The following AGBL1 variants were observed in gnomAD, a reference collection of about 807,000 sequenced individuals.
AGBL1 encodes the protein AGBL carboxypeptidase 1, also known as cytosolic carboxypeptidase 4.
Under a neutral mutation model 118.9 loss-of-function variants are expected in AGBL1, and 130 were observed. That is an observed-to-expected ratio of 1.09 (90% CI 0.95 to 1.26). The LOEUF is 1.26. Among genes scored for constraint, AGBL1 ranks in the 50% most tolerant of loss-of-function variants. The pLI is 0.00. For missense variants in AGBL1, 1,584 were observed against 1,298.1 expected (o/e 1.22, Z -3.38); for synonymous variants, 555 against 478.9 (o/e 1.16, Z -2.08).
chr15:86,882,076 C>T (rs1189953681), intron 22 of AGBL1, among the ~76,000 whole-genome samples: 1 of 152,178 alleles, frequency 6.6e-6, no homozygotes, highest in African/African-American at 2.4e-5. Context: ...AAATGGGAAA[C>T]TATGAAATTG....
intron 14 of AGBL1, 25 bp downstream of exon 14, chr15:86,270,092 C>A (rs1406536293): frequency 6.3e-7 from 1 of 1,596,058 alleles, no homozygotes; most frequent in East Asian, 2.3e-5. Context: ...GGAGCAGGGG[C>A]TTTCTGGAAC....
chr15:86,564,418 G>A (rs1321548687), intron 21 of AGBL1, among the ~76,000 whole-genome samples: 1 of 152,150 alleles, frequency 6.6e-6, no homozygotes, highest in African/African-American at 2.4e-5. Context: ...ATGAAATTCT[G>A]GGTTGAAAAT....
intron 17 of AGBL1, among the ~76,000 whole-genome samples, chr15:86,323,121 T>G (rs1484438804): frequency 6.6e-6 from 1 of 151,990 alleles, no homozygotes; most frequent in African/African-American, 2.4e-5. Flanking sequence ...TTACTTTACT[T>G]TGGAGCATAG....
intron 22 of AGBL1, among the ~76,000 whole-genome samples, chr15:86,882,752 CGACAA>C (rs2079913868): frequency 2.0e-5 from 3 of 152,098 alleles, no homozygotes; most frequent in Non-Finnish European, 2.9e-5. Context: ...TGTAACTAAA[CGACAA>C]CTCACTGGAG....
intron 12 of AGBL1, 147 bp downstream of exon 12, chr15:86,266,604 T>G: frequency 1.4e-6 from 1 of 697,294 alleles, no homozygotes; most frequent in African/African-American, 1.8e-5. Context: ...AGAGAAAGCT[T>G]AGCTTTAAGA....
chr15:86,751,008 T>G (rs2077843123), intron 22 of AGBL1, among the ~76,000 whole-genome samples: 1 of 152,166 alleles, frequency 6.6e-6, no homozygotes. Context: ...CCATGGTGTA[T>G]GTGTACCACA....
chr15:86,749,831 G>T (rs2077818809), intron 22 of AGBL1, among the ~76,000 whole-genome samples: 1 of 152,098 alleles, frequency 6.6e-6, no homozygotes, highest in Non-Finnish European at 1.5e-5. Context: ...TGCGTATGTT[G>T]AACCAGCCTT....
chr15:86,316,352 CCT>C (rs750238717), intron 17 of AGBL1, among the ~76,000 whole-genome samples: 53 of 152,128 alleles, frequency 3.5e-4, no homozygotes, highest in Admixed American at 1.3e-4. Flanking sequence ...TTGTATTCCT[CCT>C]CTTTCTCTCC....
intron 6 of AGBL1, among the ~76,000 whole-genome samples, chr15:86,230,089 G>A (rs1415685372): frequency 2.6e-5 from 4 of 152,180 alleles, no homozygotes; most frequent in Admixed American, 2.6e-4. Flanking sequence ...AGGAAGTTGA[G>A]ACTTCTCACA....
chr15:86,840,655 G>A (rs2079232365), intron 22 of AGBL1, among the ~76,000 whole-genome samples: 1 of 152,010 alleles, frequency 6.6e-6, no homozygotes, highest in Non-Finnish European at 1.5e-5. Context: ...ATGTTAGCCA[G>A]GCTCAAACTC....
chr15:86,808,889 T>A (rs946348803), intron 22 of AGBL1, among the ~76,000 whole-genome samples: 2 of 152,082 alleles, frequency 1.3e-5, no homozygotes, highest in Non-Finnish European at 2.9e-5. Context: ...ATGGATTTTC[T>A]CTTTTTTTCT....
intron 23 of AGBL1, chr15:86,987,898 AAT>A (rs2081300012): frequency 6.7e-7 from 1 of 1,494,472 alleles, no homozygotes; most frequent in African/African-American, 1.4e-5. Flanking sequence ...CCCACTCAAT[AAT>A]ATGTTTTTAA....
chr15:86,941,004 G>A (rs1469756476), intron 23 of AGBL1, among the ~76,000 whole-genome samples: 1 of 152,098 alleles, frequency 6.6e-6, no homozygotes, highest in Admixed American at 6.5e-5. Flanking sequence ...CTCAAATAAA[G>A]CAACCTTAGA....
rs533133730 is a variant in AGBL1 at position 86,474,999 on chromosome 15, C to A, written c.2556-47811C>A. 1.1e-4 allele frequency among the ~76,000 whole-genome samples: 17 copies of A among 152,322 alleles called. No individual in the cohort carries two copies. The East Asian group carries it at 3.1e-3, about 28-fold the overall frequency. ...GGACCTCCGGCAAACTCCAACAGAC[C>A]TGCAGCTGAGGGTCCTGAATGTTAG... On this transcript the variant is annotated intron_variant, in intron 18 of 22. Coordinates refer to ENST00000614907, the MANE Select transcript of AGBL1 (RefSeq NM_001386094.1).
chr15:86,291,930 T>C (rs2079551936), intron 16 of AGBL1, among the ~76,000 whole-genome samples: 1 of 152,214 alleles, frequency 6.6e-6, no homozygotes, highest in Non-Finnish European at 1.5e-5. Flanking sequence ...CTGCTGGATT[T>C]TTATTTATCT....
intron 2 of AGBL1, among the ~76,000 whole-genome samples, chr15:86,142,443 T>G (rs1325501094): frequency 6.6e-6 from 1 of 152,198 alleles, no homozygotes; most frequent in Non-Finnish European, 1.5e-5. Flanking sequence ...CTTGAAAGCA[T>G]GTAAGCATCA....
At chr15:86,286,599 A>C (rs940478059) in intron 16 of AGBL1, among the ~76,000 whole-genome samples, 9 of 151,734 alleles carry the variant, frequency 5.9e-5, no homozygotes, top group African/African-American at 2.2e-4. Flanking sequence ...TTCACTTGGC[A>C]TATGTCCTTC....
At chr15:86,513,428 A>G (rs1478752226) in intron 18 of AGBL1, among the ~76,000 whole-genome samples, 2 of 152,016 alleles carry the variant, frequency 1.3e-5, no homozygotes, top group African/African-American at 4.8e-5. Flanking sequence ...TGTGATGTTG[A>G]CATGCCTCAC....
chr15:86,662,088 T>C (rs1029631952), intron 21 of AGBL1, among the ~76,000 whole-genome samples: 3 of 150,140 alleles, frequency 2.0e-5, no homozygotes, highest in African/African-American at 7.3e-5. Context: ...CCATATCAAA[T>C]GACCATGTAA....
Sources: allele counts gnomAD v4.1 joint callset (sites outside exome capture counted in the v4.1 genomes callset), GRCh38; gene constraint gnomAD v4.1.1; transcripts MANE v1.5; gene names NCBI Gene and HGNC (gene_info 2026-07-23, HGNC 2026-07-21).